Variants in KCTD1 observed in about 807,000 individuals in gnomAD.
KCTD1 encodes the protein potassium channel tetramerization domain containing 1, also known as BTB/POZ domain-containing protein KCTD1.
In KCTD1, 24 loss-of-function variants were observed where a neutral mutation model predicts 66.0. The observed-to-expected ratio is 0.36, with a 90% confidence interval of 0.26 to 0.51. The LOEUF (loss-of-function observed/expected upper bound fraction) is 0.51, where lower values mean the gene tolerates loss of function less well. Among genes scored for constraint, KCTD1 ranks in the 20% least tolerant of loss-of-function variants. The pLI, the probability that KCTD1 is intolerant of heterozygous loss-of-function variation, is 0.95. For synonymous variants in KCTD1, 511 were observed against 517.2 expected (o/e 0.99, Z 0.16); for missense variants, 943 against 1,205.2 (o/e 0.78, Z 3.22).
At chr18:26,485,319 G>A (rs12326669) in intron 2 of KCTD1, among the ~76,000 whole-genome samples, 34,969 of 152,048 alleles carry the variant, frequency 0.23, 4,133 homozygotes, top group African/African-American at 0.26. Flanking sequence ...TCACAACCAG[G>A]CAGCTGGACC....
chr18:26,532,031 G>A (rs1037075420), intron 1 of KCTD1, among the ~76,000 whole-genome samples: 1 of 152,178 alleles, frequency 6.6e-6, no homozygotes, highest in African/African-American at 2.4e-5. Flanking sequence ...TGGAAGGAAA[G>A]TGTGTATCCC....
chr18:26,636,413 C>T (rs985476031), intron 1 of KCTD1, among the ~76,000 whole-genome samples: 1 of 152,162 alleles, frequency 6.6e-6, no homozygotes, highest in Non-Finnish European at 1.5e-5. Context: ...CTCAGGGCTC[C>T]TCACATTGCA....
intron 1 of KCTD1, among the ~76,000 whole-genome samples, chr18:26,503,596 A>G (rs1468723974): frequency 6.6e-6 from 1 of 152,076 alleles, no homozygotes; most frequent in Non-Finnish European, 1.5e-5. Flanking sequence ...AATTGGACAC[A>G]TTCTCTATCC....
chr18:26,481,529 G>A (rs531963304), intron 2 of KCTD1, among the ~76,000 whole-genome samples: 16 of 152,286 alleles, frequency 1.1e-4, no homozygotes, highest in African/African-American at 3.4e-4. Flanking sequence ...CATGTGAGCC[G>A]GGTCAAGGAG....
intron 1 of KCTD1, among the ~76,000 whole-genome samples, chr18:26,542,174 C>A (rs555648920): frequency 1.8e-3 from 276 of 152,286 alleles, no homozygotes; most frequent in African/African-American, 6.6e-3. Context: ...GCACTAAAAA[C>A]GTTAATTAAA....
intron 1 of KCTD1, among the ~76,000 whole-genome samples, chr18:26,517,660 A>G (rs1177738718): frequency 1.1e-4 from 16 of 144,270 alleles, no homozygotes; most frequent in African/African-American, 4.1e-4. Context: ...TCCGTCTCCA[A>G]AAAAAAAAAA....
intron 1 of KCTD1, among the ~76,000 whole-genome samples, chr18:26,571,777 T>C (rs1049162058): frequency 3.3e-5 from 5 of 152,144 alleles, no homozygotes; most frequent in African/African-American, 7.2e-5. Flanking sequence ...CTGGCATTCA[T>C]AGTGTAACCC....
intron 2 of KCTD1, among the ~76,000 whole-genome samples, chr18:26,478,694 G>A (rs1981472787): frequency 2.6e-5 from 4 of 152,196 alleles, no homozygotes; most frequent in South Asian, 2.1e-4. Flanking sequence ...TGAGGAGTGC[G>A]GAATGAGAAT....
intron 2 of KCTD1, among the ~76,000 whole-genome samples, chr18:26,488,364 G>A (rs1428484700): frequency 6.6e-6 from 1 of 152,038 alleles, no homozygotes; most frequent in Non-Finnish European, 1.5e-5. Flanking sequence ...CAGATCAGTG[G>A]GATATACTTA....
At chr18:26,647,592 T>C (rs1235417136) in intron 1 of KCTD1, among the ~76,000 whole-genome samples, 2 of 148,352 alleles carry the variant, frequency 1.3e-5, no homozygotes, top group African/African-American at 4.9e-5. Context: ...TTTTGAGAGT[T>C]GTCTCTTCTA....
chr18:26,549,479 G>A (rs369170232), upstream of KCTD1: 5 of 979,196 alleles, frequency 5.1e-6, no homozygotes, highest in Middle Eastern at 5.3e-4. Context: ...GGGAGGGGCC[G>A]GTGGGAGGGG....
chr18:26,456,762 A>G (rs1279031678), intron 4 of KCTD1: 1 of 151,288 alleles, frequency 6.6e-6, no homozygotes, highest in East Asian at 1.9e-4. Context: ...AGTACCTGTG[A>G]CTCTTAGATT....
At position 26,571,360 on chromosome 18, in the gene KCTD1, T is replaced by TA. The variant is rs541511205; in HGVS notation, c.-16+57786dup. Among the ~76,000 whole-genome samples the TA allele has an allele frequency of 4.1e-3, 628 of 152,270 alleles. 3 individuals are homozygous for TA. Among genetic ancestry groups the TA allele is most frequent in the African/African-American group, 0.014 (590 of 41,566 alleles). On this transcript the variant is annotated intron_variant, in intron 1 of 4. Coordinates refer to the KCTD1 transcript ENST00000317932. ...ATCAAGAACACTTCATATTGCAATTTAAAAAAATACCCATATCTGGTTATA... is the reference window on the plus strand; with the variant it reads ...ATCAAGAACACTTCATATTGCAATTTAAAAAAAATACCCATATCTGGTTATA...
At chr18:26,657,341 C>G (rs1249343974) in intron 1 of KCTD1, 9 of 985,290 alleles carry the variant, frequency 9.1e-6, no homozygotes, top group Non-Finnish European at 1.1e-5. Context: ...AATAACAAAC[C>G]CAAACCGTCA....
intron 3 of KCTD1, among the ~76,000 whole-genome samples, chr18:26,464,210 C>T (rs541008535): frequency 7.9e-5 from 12 of 152,352 alleles, no homozygotes; most frequent in African/African-American, 2.4e-4. Context: ...GTCATGGTGC[C>T]GGCAGGGATG....
intron 1 of KCTD1, among the ~76,000 whole-genome samples, chr18:26,635,005 A>T (rs521017): frequency 0.83 from 125,744 of 152,222 alleles, 52,193 homozygotes; most frequent in African/African-American, 0.88. Flanking sequence ...AAAATTAATG[A>T]TAAAAATCCA....
At chr18:26,483,667 T>G (rs1981764112) in intron 2 of KCTD1, among the ~76,000 whole-genome samples, 1 of 152,196 alleles carries the variant, frequency 6.6e-6, no homozygotes, top group Non-Finnish European at 1.5e-5. Flanking sequence ...CTTTTTTTCC[T>G]AATATCTGAA....
rs1271583170 is a variant in KCTD1, at chr18:26,547,961, C to T, written c.576G>A (p.Gln192=). 6.5e-7 allele frequency: 1 copy of T among 1,541,710 alleles called. No individual in the cohort carries two copies. Among genetic ancestry groups the T allele is most frequent in the Non-Finnish European group, 8.7e-7 (1 of 1,146,286 alleles). Residue 192 remains glutamine (Q), a synonymous_variant, in exon 1 of 5, where the codon CAG becomes CAA. Coordinates refer to ENST00000580059, the MANE Select transcript of KCTD1 (RefSeq NM_001142730.3). ...TGTCCATGGTCTCGAAGTCCGGGCT[C>T]TGCGCCTTCTCGCTCAGGTACTCCC... ...IFREYLSEKA[Q]SPDFETMDKG... is the part of the protein sequence containing the mutation.
chr18:26,596,836 C>G (rs1986777072), intron 1 of KCTD1, among the ~76,000 whole-genome samples: 2 of 152,258 alleles, frequency 1.3e-5, no homozygotes, highest in Non-Finnish European at 2.9e-5. Context: ...ACATTCTTCT[C>G]TCTTCAAGCC....
Sources: gnomAD v4.1 joint callset for allele counts (sites outside exome capture counted in the v4.1 genomes callset) on GRCh38, gnomAD v4.1.1 for gene constraint, MANE v1.5 for transcripts, NCBI Gene and HGNC (gene_info 2026-07-23, HGNC 2026-07-21) for gene names.